CORO7: variants seen among roughly 807,000 people sequenced by gnomAD.
CORO7 encodes coronin 7.
Under a neutral mutation model 126.6 loss-of-function variants are expected in CORO7, and 107 were observed. That is an observed-to-expected ratio of 0.85 (90% CI 0.72 to 0.99). The LOEUF (loss-of-function observed/expected upper bound fraction) is 0.99. CORO7 is among the 50% of genes least tolerant of loss of function. CORO7 has a pLI of 0.00. For synonymous variants in CORO7, 603 were observed against 536.8 expected, an observed-to-expected ratio of 1.12 and a Z score of -1.70; for missense variants, 1,314 against 1,255.8, an observed-to-expected ratio of 1.05 and a Z score of -0.70.
intron 26 of CORO7, 80 bp downstream of exon 26, chr16:4,357,088 G>T: frequency 6.4e-7 from 1 of 1,564,168 alleles, no homozygotes; most frequent in Non-Finnish European, 8.7e-7. Flanking sequence ...GTCTGGGTTG[G>T]GGATGGAGAA....
chr16:4,391,177 C>A (rs1414449645), intron 7 of CORO7, among the ~76,000 whole-genome samples: 2 of 152,196 alleles, frequency 1.3e-5, no homozygotes, highest in African/African-American at 4.8e-5. Flanking sequence ...AATCCCAACA[C>A]TTTGGGAGGC....
In CORO7 at chr16:4,362,596, C is replaced by A. The variant is rs200078924; in HGVS notation, c.1402+16G>T. The A allele has an allele frequency of 1.3e-6, 2 of 1,545,558 alleles. No homozygotes were observed. The highest frequency in any genetic ancestry group is 2.4e-5 in the East Asian group (1 of 40,862). On this transcript the variant is annotated intron_variant, in intron 15 of 27. Coordinates refer to ENST00000251166, the MANE Select transcript of CORO7 (RefSeq NM_024535.5). The surrounding 1 kb of genome is among the most constrained non-coding windows in gnomAD (Gnocchi z 5.3). ...GCTCCTGCGGTAGGGGTGAGCTCCC[C>A]GTCCTGCCTCCTTACCCAGCAGGCT...
rs369028184 is a variant in CORO7 at position 4,370,207 on chromosome 16, A to G, written c.786-4662T>C. On this transcript the variant is annotated intron_variant, in intron 9 of 27. Transcript: ENST00000251166. ...TGGATGCTTCTGAGGGCTTCAGAGG[A>G]CACAGGGCCAAGGGAAGAGGCAGGG... is the stretch of plus-strand genomic sequence containing the variant. 1.1e-4 allele frequency among the ~76,000 whole-genome samples: 16 copies of G among 152,320 alleles called. No homozygotes were observed. The East Asian group carries it at 2.5e-3, about 24-fold the overall frequency.
intron 6 of CORO7, among the ~76,000 whole-genome samples, chr16:4,398,169 C>G (rs916222460): frequency 6.6e-6 from 1 of 152,102 alleles, no homozygotes; most frequent in Non-Finnish European, 1.5e-5. Context: ...ATCCTTCTGC[C>G]TCAGCCTCCC....
At chr16:4,365,420 C>G (rs185118605) in intron 10 of CORO7, 71 bp downstream of exon 10, 1 of 1,543,946 alleles carries the variant, frequency 6.5e-7, no homozygotes, top group Non-Finnish European at 8.7e-7. Flanking sequence ...AGTTCCTCCT[C>G]TCTCTTGGGG....
intron 9 of CORO7, among the ~76,000 whole-genome samples, chr16:4,374,255 T>G (rs2054636007): frequency 6.6e-6 from 1 of 152,036 alleles, no homozygotes; most frequent in Non-Finnish European, 1.5e-5. Context: ...CCTCCTTCCT[T>G]TTATCGGTTT....
At chr16:4,358,808 T>C in intron 23 of CORO7, 1 of 335,900 alleles carries the variant, frequency 3.0e-6, no homozygotes, top group Non-Finnish European at 5.4e-6. Context: ...CAGAAACATG[T>C]GACCTCAGCA....
In CORO7 at chr16:4,365,539, G is replaced by A. The variant is rs190807969; in HGVS notation, c.792C>T (p.Leu264=). The A allele has an allele frequency of 2.2e-4, 344 of 1,580,876 alleles. 5 individuals carry two copies. In the East Asian group the frequency reaches 4.6e-3, roughly 21 times the overall value. Residue 264 remains leucine (L), a synonymous_variant, in exon 10 of 28, where the codon CTC becomes CTT. Transcript: ENST00000251166. The part of the protein sequence containing the change: ...SLTLDTSLGC[L]VPLLDPDSGL... Reference sequence around the variant, plus strand: ...CAGAGTCAGGGTCCAGCAGAGGCACGAGACACCTGGGGAAGAGAGGGCAAG... The same window carrying A: ...CAGAGTCAGGGTCCAGCAGAGGCACAAGACACCTGGGGAAGAGAGGGCAAG...
chr16:4,355,111 A>G lies in CORO7; in HGVS notation c.*47T>C. ...CTTGAGGATGAGCCGTGAGGTGTGC[A>G]CTAGGAAGTGGCAGCACAGGTGAGG... is the stretch of plus-strand genomic sequence containing the variant. On this transcript the variant is annotated 3_prime_UTR_variant, in exon 28 of 28. Transcript: ENST00000251166. 1 of 1,478,396 alleles carries G rather than the reference A, an allele frequency of 6.8e-7. No individual in the cohort carries two copies. The highest frequency in any genetic ancestry group is 1.4e-5 in the South Asian group (1 of 73,538). 91.6% of individuals were successfully genotyped at this position (1,478,396 alleles called of 1,614,324 possible).
At chr16:4,373,842 C>A (rs529541838) in intron 9 of CORO7, among the ~76,000 whole-genome samples, 33 of 152,260 alleles carry the variant, frequency 2.2e-4, no homozygotes, top group African/African-American at 7.7e-4. Context: ...TGCCAGTGAG[C>A]AGAGGTGTGT....
chr16:4,361,268 G>A lies in CORO7; in HGVS notation c.1688-20C>T. 1 of 1,612,110 alleles carries A rather than the reference G, an allele frequency of 6.2e-7. No homozygotes were observed. Among genetic ancestry groups the A allele is most frequent in the Non-Finnish European group, 8.5e-7 (1 of 1,179,750 alleles). On this transcript the variant is annotated intron_variant, in intron 17 of 27. Transcript: ENST00000251166. ...CACCAGCTGCAGAGGACAGACAGGG[G>A]CTCATCATTGCTGAGCCCAAGACCT...
intron 7 of CORO7, among the ~76,000 whole-genome samples, chr16:4,394,672 A>C (rs1271865650): frequency 1.3e-5 from 2 of 152,204 alleles, no homozygotes; most frequent in East Asian, 3.9e-4. Flanking sequence ...CTACCTGCCT[A>C]GCACAGGCAA....
chr16:4,391,133 T>C (rs777482442), intron 7 of CORO7, among the ~76,000 whole-genome samples: 10 of 152,028 alleles, frequency 6.6e-5, no homozygotes. Flanking sequence ...GTATCAAAAA[T>C]GAGAGGTGGG....
chr16:4,375,633 G>A (rs530970082), intron 9 of CORO7, among the ~76,000 whole-genome samples: 144 of 152,322 alleles, frequency 9.5e-4, no homozygotes, highest in Admixed American at 3.1e-3. Flanking sequence ...GACTACAGGC[G>A]CCTGCCACCA....
At chr16:4,408,345 G>A in intron 3 of CORO7, 94 bp from the exon 4 acceptor site, 1 of 1,555,820 alleles carries the variant, frequency 6.4e-7, no homozygotes, top group South Asian at 1.1e-5. Context: ...ACTTTTGTGT[G>A]CACACAGAAA....
chr16:4,402,652 C>G (rs1000178796), intron 6 of CORO7, among the ~76,000 whole-genome samples: 4 of 152,158 alleles, frequency 2.6e-5, no homozygotes, highest in African/African-American at 9.7e-5. Context: ...ATGAGGGCAG[C>G]TGGGCCACCC....
intron 9 of CORO7, among the ~76,000 whole-genome samples, chr16:4,370,042 C>T (rs1298242851): frequency 1.3e-5 from 2 of 152,182 alleles, no homozygotes; most frequent in Non-Finnish European, 2.9e-5. Flanking sequence ...GGGGTGAACA[C>T]CAGGCAGATG....
At chr16:4,400,831 A>AATAATAATAATG (rs1321159889) in intron 6 of CORO7, among the ~76,000 whole-genome samples, 13 of 149,552 alleles carry the variant, frequency 8.7e-5, no homozygotes, top group Admixed American at 8.0e-4. Context: ...TAATAATAAT[A>AATAATAATAATG]ATGTTTACCA....
chr16:4,403,005 G>T (rs1357814637), intron 6 of CORO7, among the ~76,000 whole-genome samples: 1 of 152,054 alleles, frequency 6.6e-6, no homozygotes, highest in South Asian at 2.1e-4. Flanking sequence ...AGGCTTCCCC[G>T]CCAGGAAGGA....
Sources: gnomAD v4.1 joint callset for allele counts (sites outside exome capture counted in the v4.1 genomes callset) on GRCh38, gnomAD v4.1.1 for gene constraint, Gnocchi (gnomAD v3.1) non-coding constraint, MANE v1.5 for transcripts, NCBI Gene and HGNC (gene_info 2026-07-23, HGNC 2026-07-21) for gene names.